The following DRD2 variants were observed in gnomAD, a reference collection of about 807,000 sequenced individuals.
The protein encoded by DRD2 is dopamine receptor D2.
A neutral mutation model predicts 38.0 loss-of-function variants in DRD2; 8 were observed. The ratio of observed to expected loss-of-function variants is 0.21; its 90% confidence interval spans 0.12 to 0.38. The LOEUF is 0.38. Ranked by LOEUF, DRD2 falls within the 10% of genes least tolerant of loss-of-function variation. DRD2 has a pLI of 1.00. For synonymous variants in DRD2, 230 were observed against 238.6 expected (o/e 0.96, Z 0.33); for missense variants, 403 against 607.7 (o/e 0.66, Z 3.54).
Position 113,417,179 on chromosome 11 carries a change from A to G in DRD2, c.396-180T>C, listed in dbSNP as rs142520362. Among the ~76,000 whole-genome samples, 10 of 152,320 alleles carry G rather than the reference A, an allele frequency of 6.6e-5. 1 individual carries two copies. The East Asian group carries it at 1.9e-3, about 29-fold the overall frequency. ...GTCCCCAAACTCAGATGGCGAGGAC[A>G]GTTGGCAAAGCCCAAACACTTAATC... is the stretch of plus-strand genomic sequence containing the variant. On this transcript the variant is annotated intron_variant, in intron 3 of 7. Transcript: ENST00000362072.
intron 1 of DRD2, among the ~76,000 whole-genome samples, chr11:113,449,453 T>C (rs897846142): frequency 2.6e-5 from 4 of 152,142 alleles, no homozygotes; most frequent in Admixed American, 1.3e-4. Flanking sequence ...TTTGGACATG[T>C]CAAGCACCTG....
At chr11:113,465,191 CCT>C in intron 1 of DRD2, among the ~76,000 whole-genome samples, 1 of 151,754 alleles carries the variant, frequency 6.6e-6, no homozygotes, top group East Asian at 1.9e-4. Context: ...CCATCTGCTT[CCT>C]GGGTTCAGGT....
chr11:113,440,097 C>G (rs1224276669), intron 1 of DRD2, among the ~76,000 whole-genome samples: 1 of 152,094 alleles, frequency 6.6e-6, no homozygotes, highest in East Asian at 1.9e-4. Flanking sequence ...GAGAGTAATT[C>G]TGGAGCCTCC....
chr11:113,416,864 T>C lies in DRD2; in HGVS notation c.531A>G (p.Ala177=). 6.2e-7 allele frequency: 1 copy of C among 1,613,764 alleles called. No individual in the cohort carries two copies. Among genetic ancestry groups the C allele is most frequent in the Non-Finnish European group, 8.5e-7 (1 of 1,179,848 alleles). ...SCPLLFGLNN[A]DQNECIIANP... is the part of the protein sequence containing the mutation. The stretch of plus-strand genomic sequence containing the variant: ...CAGGCAAACAAAAGCAGAATGTACC[T>C]GCGTTATTGAGTCCGAAGAGGAGTG... Residue 177 remains alanine, a splice_region_variant and synonymous_variant, in exon 4 of 8, where the codon GCA becomes GCG. Coordinates refer to ENST00000362072, the MANE Select transcript of DRD2 (RefSeq NM_000795.4).
At chr11:113,452,106 G>A (rs898548503) in intron 1 of DRD2, among the ~76,000 whole-genome samples, 3 of 152,018 alleles carry the variant, frequency 2.0e-5, no homozygotes, top group African/African-American at 7.3e-5. Context: ...GGGGATCTGT[G>A]CGTCAAGTTC....
chr11:113,458,954 T>G (rs1951291971), intron 1 of DRD2, among the ~76,000 whole-genome samples: 1 of 152,140 alleles, frequency 6.6e-6, no homozygotes, highest in Non-Finnish European at 1.5e-5. Flanking sequence ...TTGTGATATA[T>G]ATCATAATGA....
At chr11:113,440,743 G>A (rs1412719325) in intron 1 of DRD2, among the ~76,000 whole-genome samples, 4 of 152,190 alleles carry the variant, frequency 2.6e-5, no homozygotes, top group Non-Finnish European at 5.9e-5. Flanking sequence ...ACTTATGAGG[G>A]GGCAGAAAGG....
At chr11:113,413,837 G>A (rs2362873) in intron 6 of DRD2, 6,599 of 219,912 alleles carry the variant, frequency 0.03, 459 homozygotes, top group African/African-American at 0.14. Context: ...AAACTGCTCC[G>A]CCACCAGTCC....
chr11:113,442,889 C>T (rs939187022), intron 1 of DRD2, among the ~76,000 whole-genome samples: 1 of 152,132 alleles, frequency 6.6e-6, no homozygotes, highest in Non-Finnish European at 1.5e-5. Context: ...CTGCCCATTA[C>T]CTTTGTGCCT....
chr11:113,466,818 G>T (rs774574353), intron 1 of DRD2, among the ~76,000 whole-genome samples: 2 of 152,200 alleles, frequency 1.3e-5, no homozygotes, highest in Non-Finnish European at 2.9e-5. Context: ...TTTTAGAGAA[G>T]CATGAGACAA....
intron 4 of DRD2, 95 bp from the exon 5 acceptor site, chr11:113,415,706 C>G: frequency 7.2e-7 from 1 of 1,394,498 alleles, no homozygotes; most frequent in South Asian, 1.3e-5. Flanking sequence ...GAACAAGGAG[C>G]GATTTTACAG....
intron 2 of DRD2, among the ~76,000 whole-genome samples, chr11:113,418,901 C>T (rs59696603): frequency 0.041 from 6,175 of 152,282 alleles, 430 homozygotes; most frequent in African/African-American, 0.14. Flanking sequence ...CTTCCCCCTG[C>T]ACCCCACATG....
intron 1 of DRD2, among the ~76,000 whole-genome samples, chr11:113,427,844 G>C (rs539378098): frequency 2.0e-5 from 3 of 152,196 alleles, no homozygotes; most frequent in African/African-American, 7.2e-5. Flanking sequence ...TTAGGATACA[G>C]GGCCTTTAAA....
chr11:113,452,435 C>CGTGT (rs759448996), intron 1 of DRD2, among the ~76,000 whole-genome samples: 6,711 of 129,892 alleles, frequency 0.052, 197 homozygotes, highest in East Asian at 0.17. Context: ...GGTGTGCATG[C>CGTGT]GTGTGTGTGT....
At chr11:113,420,055 C>G (rs1950871273) in intron 2 of DRD2, among the ~76,000 whole-genome samples, 1 of 152,166 alleles carries the variant, frequency 6.6e-6, no homozygotes, top group East Asian at 1.9e-4. Context: ...CTGGCATAAA[C>G]AGAGTGTGCC....
At chr11:113,450,295 C>T (rs1476975598) in intron 1 of DRD2, among the ~76,000 whole-genome samples, 1 of 152,226 alleles carries the variant, frequency 6.6e-6, no homozygotes. Context: ...AAACAAGCAA[C>T]CAGAGCTAAC....
intron 1 of DRD2, among the ~76,000 whole-genome samples, chr11:113,441,394 T>C (rs536812982): frequency 1.3e-5 from 2 of 152,348 alleles, no homozygotes; most frequent in South Asian, 2.1e-4. Context: ...TGCAAACTGG[T>C]AGCCTATGGA....
At chr11:113,437,149 C>T (rs772212877) in intron 1 of DRD2, among the ~76,000 whole-genome samples, 5 of 152,194 alleles carry the variant, frequency 3.3e-5, no homozygotes, top group Middle Eastern at 3.2e-3. Context: ...CCAGGCACCA[C>T]GTGAAGTGCT....
At chr11:113,448,038 T>C (rs562920642) in intron 1 of DRD2, among the ~76,000 whole-genome samples, 2 of 152,138 alleles carry the variant, frequency 1.3e-5, no homozygotes, top group Non-Finnish European at 2.9e-5. Context: ...CACAAAGGGA[T>C]ACTGAGGGGG....
Sources: allele counts gnomAD v4.1 joint callset (sites outside exome capture counted in the v4.1 genomes callset), GRCh38; gene constraint gnomAD v4.1.1; transcripts MANE v1.5; gene names NCBI Gene and HGNC (gene_info 2026-07-23, HGNC 2026-07-21).